Variants in DKK2 observed in about 807,000 individuals in gnomAD.
DKK2 encodes dickkopf-related protein 2.
DKK2 carries 11 observed loss-of-function variants against 28.1 expected under a neutral mutation model. The observed-to-expected ratio is 0.39, with a 90% CI of 0.25 to 0.65. The LOEUF is 0.65. Among genes scored for constraint, DKK2 ranks in the 30% least tolerant of loss-of-function variants. DKK2 has a pLI of 0.47. For missense variants in DKK2, 326 were observed against 335.5 expected (o/e 0.97, Z 0.22); for synonymous variants, 135 against 126.5 (o/e 1.07, Z -0.45).
At chr4:107,029,170 T>C (rs1560595455) in intron 1 of DKK2, among the ~76,000 whole-genome samples, 1 of 152,106 alleles carries the variant, frequency 6.6e-6, no homozygotes, top group Non-Finnish European at 1.5e-5. Flanking sequence ...TTTAATGAAA[T>C]TGGAGTTATA....
At chr4:106,967,954 CAAAG>C (rs5860838) in intron 1 of DKK2, among the ~76,000 whole-genome samples, 45,433 of 144,482 alleles carry the variant, frequency 0.31, 7,096 homozygotes, top group East Asian at 0.41. Context: ...AGAGAGAAAA[CAAAG>C]AAAGAAAGGA....
At chr4:106,942,151 C>A (rs1481173361) in intron 1 of DKK2, among the ~76,000 whole-genome samples, 2 of 151,982 alleles carry the variant, frequency 1.3e-5, no homozygotes, top group African/African-American at 4.8e-5. Flanking sequence ...GTTTGTGTGA[C>A]CCTAGTGTTC....
intron 1 of DKK2, among the ~76,000 whole-genome samples, chr4:106,994,005 G>C (rs1301310808): frequency 1.3e-5 from 2 of 152,134 alleles, no homozygotes; most frequent in Non-Finnish European, 2.9e-5. Flanking sequence ...ACTTGGAAGA[G>C]GGAAAAAGCC....
At chr4:106,944,175 T>C (rs534216192) in intron 1 of DKK2, among the ~76,000 whole-genome samples, 256 of 152,194 alleles carry the variant, frequency 1.7e-3, no homozygotes, top group Admixed American at 4.4e-3. Flanking sequence ...CACAGCAATA[T>C]AGCAACCAGT....
At chr4:106,924,228 T>A (rs759317101) in intron 3 of DKK2, 24 bp from the exon 4 acceptor site, 4 of 1,609,414 alleles carry the variant, frequency 2.5e-6, no homozygotes, top group Admixed American at 3.4e-5. Context: ...GACCAATAGA[T>A]GTTACCCTGA....
At position 106,949,926 on chromosome 4, in the gene DKK2, A is replaced by T. The variant is rs189545250; in HGVS notation, c.223-23977T>A. Among the ~76,000 whole-genome samples the T allele has an allele frequency of 2.2e-3, 339 of 152,238 alleles. 3 individuals are homozygous for T. Among genetic ancestry groups the T allele is most frequent in the African/African-American group, 7.6e-3 (314 of 41,564 alleles). On this transcript the variant is annotated intron_variant, in intron 1 of 3. Coordinates refer to ENST00000285311, the MANE Select transcript of DKK2 (RefSeq NM_014421.3). Reference sequence around the variant, plus strand: ...ACTGTTAACACAGCCCAGCATTATTAAAAAAATTATAATAATAATGAATAT... The same window carrying T: ...ACTGTTAACACAGCCCAGCATTATTTAAAAAATTATAATAATAATGAATAT...
chr4:106,929,703 C>T (rs1244665010), intron 1 of DKK2, among the ~76,000 whole-genome samples: 1 of 152,102 alleles, frequency 6.6e-6, no homozygotes, highest in Non-Finnish European at 1.5e-5. Flanking sequence ...ACATTGGACA[C>T]ATTTTGAAAA....
At chr4:107,002,821 C>T (rs2110365795) in intron 1 of DKK2, among the ~76,000 whole-genome samples, 1 of 152,300 alleles carries the variant, frequency 6.6e-6, no homozygotes, top group Admixed American at 6.5e-5. Flanking sequence ...CACTTACAAA[C>T]TGTGTGACCT....
intron 1 of DKK2, among the ~76,000 whole-genome samples, chr4:106,963,225 C>A (rs1722719510): frequency 6.6e-6 from 1 of 151,488 alleles, no homozygotes; most frequent in African/African-American, 2.4e-5. Flanking sequence ...TGGTGGCAGG[C>A]ACCTGTAATC....
chr4:107,022,658 A>G (rs1723714535), intron 1 of DKK2, among the ~76,000 whole-genome samples: 1 of 152,142 alleles, frequency 6.6e-6, no homozygotes, highest in South Asian at 2.1e-4. Context: ...TCACATTAGA[A>G]AGCTCACTTT....
chr4:106,958,663 C>T (rs1722637752), intron 1 of DKK2, among the ~76,000 whole-genome samples: 1 of 151,650 alleles, frequency 6.6e-6, no homozygotes. Context: ...TGGTGAAACC[C>T]CGTCTCTACT....
At chr4:106,975,405 T>G (rs1722929102) in intron 1 of DKK2, among the ~76,000 whole-genome samples, 1 of 152,188 alleles carries the variant, frequency 6.6e-6, no homozygotes, top group African/African-American at 2.4e-5. Context: ...TATTAAATAC[T>G]GCCTCAATTT....
chr4:106,948,106 G>A (rs1165913765), intron 1 of DKK2, among the ~76,000 whole-genome samples: 4 of 152,032 alleles, frequency 2.6e-5, no homozygotes, highest in Non-Finnish European at 5.9e-5. Context: ...TCAGTTTTAC[G>A]GGTGAGGAAG....
At chr4:106,925,715 T>C in intron 2 of DKK2, 84 bp downstream of exon 2, 3 of 1,501,416 alleles carry the variant, frequency 2.0e-6, no homozygotes, top group Non-Finnish European at 2.7e-6. Flanking sequence ...GGAGTCTGAG[T>C]AAGGAGACGA....
chr4:106,943,669 A>C (rs1408765860), intron 1 of DKK2, among the ~76,000 whole-genome samples: 1 of 152,116 alleles, frequency 6.6e-6, no homozygotes, highest in Non-Finnish European at 1.5e-5. Flanking sequence ...CCATCAGTCC[A>C]CATTTTCAAG....
rs537910337 is a variant in DKK2 at position 106,967,386 on chromosome 4, A to G, written c.223-41437T>C. ...CCTGAAGGATACCTAGGAGTTACCT[A>G]GTTGCAATGAGAGCCAAGCTGAGGA... On this transcript the variant is annotated intron_variant, in intron 1 of 3. Transcript: ENST00000285311. Among the ~76,000 whole-genome samples, 4 of 152,274 alleles carry G rather than the reference A, an allele frequency of 2.6e-5. 1 individual carries two copies. Among genetic ancestry groups the G allele is most frequent in the South Asian group, 2.1e-4 (1 of 4,824 alleles).
intron 1 of DKK2, among the ~76,000 whole-genome samples, chr4:107,029,753 G>T (rs535685551): frequency 1.2e-4 from 18 of 152,080 alleles, no homozygotes; most frequent in Non-Finnish European, 2.1e-4. Context: ...TATTTGTTTT[G>T]TCATTTAATG....
intron 1 of DKK2, among the ~76,000 whole-genome samples, chr4:106,965,677 G>A (rs995043402): frequency 5.3e-5 from 8 of 149,800 alleles, no homozygotes; most frequent in African/African-American, 2.0e-4. Context: ...CATGTGCCAT[G>A]CTGGTGCGCT....
At chr4:106,933,046 T>A (rs1341642788) in intron 1 of DKK2, among the ~76,000 whole-genome samples, 1 of 152,180 alleles carries the variant, frequency 6.6e-6, no homozygotes, top group Admixed American at 6.5e-5. Context: ...ATCATAAAAA[T>A]TCCATGGGGT....
Sources: allele counts gnomAD v4.1 joint callset (sites outside exome capture counted in the v4.1 genomes callset), GRCh38; gene constraint gnomAD v4.1.1; transcripts MANE v1.5; gene names NCBI Gene and HGNC (gene_info 2026-07-23, HGNC 2026-07-21).